Variants in CDKAL1 observed in about 807,000 individuals in gnomAD.
CDKAL1 encodes threonylcarbamoyladenosine tRNA methylthiotransferase.
A neutral mutation model predicts 68.2 loss-of-function variants in CDKAL1; 32 were observed. The ratio of observed to expected loss-of-function variants is 0.47; its 90% confidence interval spans 0.35 to 0.63. The LOEUF is 0.63. CDKAL1 is among the 30% of genes least tolerant of loss of function. The pLI is 0.00. For synonymous variants in CDKAL1, 234 were observed against 244.3 expected (o/e 0.96, Z 0.39); for missense variants, 606 against 696.7 (o/e 0.87, Z 1.47).
chr6:20,673,469 G>A (rs1769945407), intron 5 of CDKAL1, among the ~76,000 whole-genome samples: 1 of 152,196 alleles, frequency 6.6e-6, no homozygotes, highest in Non-Finnish European at 1.5e-5. Context: ...GAAAAGATCT[G>A]TACATGTTTA....
At position 21,010,384 on chromosome 6, in the gene CDKAL1, A is replaced by G. The variant is rs542332772; in HGVS notation, c.1055+10012A>G. Among the ~76,000 whole-genome samples the G allele has an allele frequency of 2.6e-5, 4 of 152,260 alleles. No individual in the cohort carries two copies. In the South Asian group the frequency reaches 8.3e-4, roughly 32 times the overall value. ...CTTTAAGCCCTCATGTCTTCCTCCT[A>G]CTTATCTTTCTTTCTTAAAGCCAAG... On this transcript the variant is annotated intron_variant, in intron 11 of 15. Transcript: ENST00000274695.
intron 10 of CDKAL1, among the ~76,000 whole-genome samples, chr6:20,987,015 G>T (rs971916445): frequency 2.0e-5 from 3 of 152,150 alleles, no homozygotes; most frequent in African/African-American, 7.2e-5. Context: ...CCTTTCCCAT[G>T]ATTGGCTGTC....
At chr6:20,676,779 C>T (rs1468648506) in intron 5 of CDKAL1, among the ~76,000 whole-genome samples, 3 of 152,046 alleles carry the variant, frequency 2.0e-5, no homozygotes, top group African/African-American at 7.2e-5. Flanking sequence ...TACTGTGTTA[C>T]AGTTATCCAC....
At chr6:20,576,307 A>T (rs1294989380) in intron 4 of CDKAL1, among the ~76,000 whole-genome samples, 1 of 152,208 alleles carries the variant, frequency 6.6e-6, no homozygotes, top group Admixed American at 6.5e-5. Flanking sequence ...TATTTTCAGC[A>T]TGATAGTGAC....
intron 5 of CDKAL1, among the ~76,000 whole-genome samples, chr6:20,718,084 C>T (rs1362742154): frequency 6.6e-6 from 1 of 152,148 alleles, no homozygotes; most frequent in East Asian, 1.9e-4. Context: ...TGAAGTGCCA[C>T]CCTTTAGCAG....
chr6:20,607,886 G>C (rs1044958912), intron 4 of CDKAL1, among the ~76,000 whole-genome samples: 1 of 151,894 alleles, frequency 6.6e-6, no homozygotes, highest in Non-Finnish European at 1.5e-5. Context: ...GTAGAGATGG[G>C]GTTTCACCAT....
At chr6:20,749,475 T>C (rs1253270092) in intron 6 of CDKAL1, among the ~76,000 whole-genome samples, 1 of 152,192 alleles carries the variant, frequency 6.6e-6, no homozygotes, top group Non-Finnish European at 1.5e-5. Flanking sequence ...ACCTATTCAG[T>C]AAGTTTAACT....
At chr6:21,062,465 T>C (rs1771194454) in intron 11 of CDKAL1, among the ~76,000 whole-genome samples, 1 of 152,212 alleles carries the variant, frequency 6.6e-6, no homozygotes, top group South Asian at 2.1e-4. Flanking sequence ...ATTTGTGATT[T>C]TTCAAATGTA....
chr6:20,922,270 G>T (rs779081552), intron 9 of CDKAL1, among the ~76,000 whole-genome samples: 1 of 152,148 alleles, frequency 6.6e-6, no homozygotes, highest in African/African-American at 2.4e-5. Context: ...AGTCAGACAC[G>T]AAAGGAATCA....
chr6:20,728,517 G>A (rs1772756901), intron 5 of CDKAL1, among the ~76,000 whole-genome samples: 2 of 152,060 alleles, frequency 1.3e-5, no homozygotes. Flanking sequence ...TATTTATTAT[G>A]GGGCCACACA....
chr6:20,845,087 A>T (rs1252804409), intron 8 of CDKAL1, among the ~76,000 whole-genome samples: 1 of 152,262 alleles, frequency 6.6e-6, no homozygotes, highest in Non-Finnish European at 1.5e-5. Flanking sequence ...ACAGTGATTC[A>T]TATGTATCTT....
intron 12 of CDKAL1, among the ~76,000 whole-genome samples, chr6:21,083,942 GT>G (rs1772559140): frequency 6.6e-6 from 1 of 152,164 alleles, no homozygotes; most frequent in Non-Finnish European, 1.5e-5. Context: ...ATCTGAGAAG[GT>G]ATATGATGTG....
At chr6:20,731,404 G>A (rs1004599818) in intron 5 of CDKAL1, among the ~76,000 whole-genome samples, 3 of 152,268 alleles carry the variant, frequency 2.0e-5, no homozygotes, top group South Asian at 2.1e-4. Flanking sequence ...ATATTTCTGA[G>A]GTATGTTGAA....
chr6:20,539,800 G>C lies in CDKAL1; in HGVS notation c.-6+4406G>C, dbSNP rs1254614508. Among the ~76,000 whole-genome samples, 1 of 152,164 alleles carries C rather than the reference G, an allele frequency of 6.6e-6. No individual in the cohort carries two copies. Among genetic ancestry groups the C allele is most frequent in the Admixed American group, 6.5e-5 (1 of 15,274 alleles). The stretch of plus-strand genomic sequence containing the variant: ...CTGGAAGGGTTTGATTGAGAAGCTT[G>C]AGATGAACTTAGGTTTTAAAGGGAT... On this transcript the variant is annotated intron_variant, in intron 2 of 15. Transcript: ENST00000274695. This position sits in a 1 kb window ranked among gnomAD's most constrained non-coding sequence, Gnocchi z 4.3.
chr6:20,850,848 A>C (rs1165995150), intron 9 of CDKAL1, among the ~76,000 whole-genome samples: 1 of 152,224 alleles, frequency 6.6e-6, no homozygotes, highest in Non-Finnish European at 1.5e-5. Flanking sequence ...AGTCATTCTG[A>C]ATATAAAATG....
At chr6:20,668,538 A>G (rs1264413540) in intron 5 of CDKAL1, among the ~76,000 whole-genome samples, 3 of 152,202 alleles carry the variant, frequency 2.0e-5, no homozygotes, top group Non-Finnish European at 2.9e-5. Context: ...TTGACTATGT[A>G]GAGTATGTAA....
rs948822907 is a variant in CDKAL1, at chr6:20,609,545, A to AC, written c.287-39746dup. ...CGAGTAGCTAGGATTACAGGTGTGC[A>AC]CCACCACGCCCAGCTAATTTTTGTA... On this transcript the variant is annotated intron_variant, in intron 4 of 15. Transcript: ENST00000274695. Among the ~76,000 whole-genome samples, 22 of 151,106 alleles carry AC rather than the reference A, an allele frequency of 1.5e-4. No homozygotes were observed. In the South Asian group the frequency reaches 4.4e-3, roughly 30 times the overall value.
At chr6:20,831,856 G>A (rs962075661) in intron 8 of CDKAL1, among the ~76,000 whole-genome samples, 5 of 152,132 alleles carry the variant, frequency 3.3e-5, no homozygotes, top group African/African-American at 9.7e-5. Context: ...CTGAATGAAC[G>A]TAGAATGGTC....
At chr6:20,757,505 C>G (rs549885091) in intron 6 of CDKAL1, among the ~76,000 whole-genome samples, 1 of 152,176 alleles carries the variant, frequency 6.6e-6, no homozygotes, top group Admixed American at 6.5e-5. Context: ...CACTGTGTTG[C>G]CCCAGCTGGT....
Sources: allele counts gnomAD v4.1 joint callset (sites outside exome capture counted in the v4.1 genomes callset), GRCh38; gene constraint gnomAD v4.1.1; non-coding constraint Gnocchi (gnomAD v3.1); transcripts MANE v1.5; gene names NCBI Gene and HGNC (gene_info 2026-07-23, HGNC 2026-07-21).